CMIP: variants seen among roughly 807,000 people sequenced by gnomAD.
The protein encoded by CMIP is c-Maf inducing protein.
Under a neutral mutation model 97.3 loss-of-function variants are expected in CMIP, and 13 were observed. That is an observed-to-expected ratio of 0.13 (90% CI 0.09 to 0.21). The LOEUF is 0.21. Among genes scored for constraint, CMIP ranks in the 10% least tolerant of loss-of-function variants. CMIP has a pLI of 1.00. For synonymous variants in CMIP, 538 were observed against 436.3 expected (o/e 1.23, Z -2.91); for missense variants, 847 against 1,024.9 (o/e 0.83, Z 2.37).
At chr16:81,670,762 A>T (rs2092676127) in intron 8 of CMIP, among the ~76,000 whole-genome samples, 1 of 152,008 alleles carries the variant, frequency 6.6e-6, no homozygotes, top group Admixed American at 6.6e-5. Context: ...GACACAACAC[A>T]TGGAGAATGC....
chr16:81,552,651 A>G (rs550444181), intron 1 of CMIP, among the ~76,000 whole-genome samples: 3 of 152,120 alleles, frequency 2.0e-5, no homozygotes, highest in Admixed American at 6.5e-5. Flanking sequence ...TCCCATCTCA[A>G]GGTCCTTAAT....
At chr16:81,600,775 CA>C (rs1337876914) in intron 1 of CMIP, among the ~76,000 whole-genome samples, 1 of 152,182 alleles carries the variant, frequency 6.6e-6, no homozygotes, top group African/African-American at 2.4e-5. Flanking sequence ...GAAATGCAGC[CA>C]GGGGAGGTGG....
chr16:81,491,454 C>T (rs989036382), intron 1 of CMIP, among the ~76,000 whole-genome samples: 1 of 152,176 alleles, frequency 6.6e-6, no homozygotes, highest in Non-Finnish European at 1.5e-5. Context: ...GTGGGAAAGC[C>T]CTCTGTGGGC....
intron 1 of CMIP, among the ~76,000 whole-genome samples, chr16:81,567,938 A>G (rs8054981): frequency 0.025 from 3,830 of 150,458 alleles, 173 homozygotes; most frequent in African/African-American, 0.089. Context: ...TCCAGGCTTT[A>G]TTTTGAGTGA....
At chr16:81,664,165 A>G in intron 6 of CMIP, 104 bp from the exon 7 acceptor site, 1 of 1,046,626 alleles carries the variant, frequency 9.6e-7, no homozygotes, top group Non-Finnish European at 1.4e-6. Context: ...AAGGGAACCC[A>G]GGCACCCACA....
intron 2 of CMIP, among the ~76,000 whole-genome samples, chr16:81,609,971 A>G (rs370336078): frequency 1.3e-5 from 2 of 152,206 alleles, no homozygotes; most frequent in East Asian, 3.8e-4. Flanking sequence ...TAGAGGAATC[A>G]GTGTGGTGGC....
In CMIP at chr16:81,710,958, G is replaced by T. The variant is rs1908700251; in HGVS notation, c.*1159G>T. Reference sequence around the variant, plus strand: ...TGGCCCCATGCATGCCCGCCTCTCTGCATGGTCTCTTGGGAAAAGAGAGAT... The same window carrying T: ...TGGCCCCATGCATGCCCGCCTCTCTTCATGGTCTCTTGGGAAAAGAGAGAT... On this transcript the variant is annotated 3_prime_UTR_variant, in exon 21 of 21. Transcript: ENST00000537098. The T allele has an allele frequency of 6.6e-6, 1 of 152,030 alleles. No individual in the cohort carries two copies. The highest frequency in any genetic ancestry group is 2.4e-5 in the African/African-American group (1 of 41,326). 9.4% of individuals were successfully genotyped at this position (152,030 alleles called of 1,614,324 possible).
In CMIP at chr16:81,488,507, G is replaced by A. The variant is rs115590984; in HGVS notation, c.300+42966G>A. Reference sequence around the variant, plus strand: ...TAGTCATCCACTCATTCCACCTGCAGGTTTTGATTGTTGGCCTCCTCTGTG... The same window carrying A: ...TAGTCATCCACTCATTCCACCTGCAAGTTTTGATTGTTGGCCTCCTCTGTG... On this transcript the variant is annotated intron_variant, in intron 1 of 20. Coordinates refer to ENST00000537098, the MANE Select transcript of CMIP (RefSeq NM_198390.3). Among the ~76,000 whole-genome samples, 521 of 152,310 alleles carry A rather than the reference G, an allele frequency of 3.4e-3. 5 individuals are homozygous for A. The highest frequency in any genetic ancestry group is 0.012 in the African/African-American group (490 of 41,568).
chr16:81,493,579 AC>A (rs2089439787), intron 1 of CMIP, among the ~76,000 whole-genome samples: 1 of 152,212 alleles, frequency 6.6e-6, no homozygotes, highest in African/African-American at 2.4e-5. Flanking sequence ...GGCGCAAGCC[AC>A]CCGGGCCCAG....
chr16:81,606,327 G>T (rs745896763), intron 1 of CMIP, among the ~76,000 whole-genome samples: 1 of 152,194 alleles, frequency 6.6e-6, no homozygotes, highest in African/African-American at 2.4e-5. Flanking sequence ...TTAAATGATT[G>T]CCATGTGCCC....
chr16:81,701,313 G>A (rs561653232), intron 15 of CMIP, among the ~76,000 whole-genome samples: 24 of 152,288 alleles, frequency 1.6e-4, no homozygotes, highest in Non-Finnish European at 3.2e-4. Flanking sequence ...AAGGAACTGG[G>A]GAGAGAGAGG....
intron 1 of CMIP, among the ~76,000 whole-genome samples, chr16:81,588,913 C>G (rs986050996): frequency 6.6e-6 from 1 of 152,128 alleles, no homozygotes; most frequent in Non-Finnish European, 1.5e-5. Context: ...TAAAGCCCAA[C>G]TGGCTCTCTA....
intron 3 of CMIP, among the ~76,000 whole-genome samples, chr16:81,642,746 CTT>C: frequency 6.6e-6 from 1 of 152,106 alleles, no homozygotes; most frequent in East Asian, 1.9e-4. Context: ...AAATATAAAA[CTT>C]AGCCAGGCGT....
chr16:81,591,530 G>A (rs1037748801), intron 1 of CMIP, among the ~76,000 whole-genome samples: 4 of 152,148 alleles, frequency 2.6e-5, no homozygotes, highest in Non-Finnish European at 5.9e-5. Context: ...CAGCCACATG[G>A]ATGAAGCTCT....
chr16:81,576,624 A>C (rs1224480052), intron 1 of CMIP, among the ~76,000 whole-genome samples: 3 of 152,096 alleles, frequency 2.0e-5, no homozygotes, highest in Non-Finnish European at 4.4e-5. Context: ...CCAGGACTTG[A>C]ATGTCAGCAC....
intron 10 of CMIP, among the ~76,000 whole-genome samples, chr16:81,686,589 G>C (rs561925713): frequency 6.6e-6 from 1 of 152,304 alleles, no homozygotes; most frequent in African/African-American, 2.4e-5. Flanking sequence ...TCAGGCAACA[G>C]GCTTTCCTGG....
intron 1 of CMIP, among the ~76,000 whole-genome samples, chr16:81,541,629 T>C (rs2090450854): frequency 6.6e-6 from 1 of 152,250 alleles, no homozygotes; most frequent in African/African-American, 2.4e-5. Flanking sequence ...AGAGAACGGC[T>C]GTCTTTATGA....
At chr16:81,466,570 C>T (rs977572158) in intron 1 of CMIP, among the ~76,000 whole-genome samples, 1 of 152,220 alleles carries the variant, frequency 6.6e-6, no homozygotes. Context: ...TGAGGCATAA[C>T]TGAGACATTG....
intron 3 of CMIP, among the ~76,000 whole-genome samples, chr16:81,639,817 C>T (rs1382821307): frequency 2.6e-5 from 4 of 152,128 alleles, no homozygotes; most frequent in Non-Finnish European, 4.4e-5. Flanking sequence ...GGTTGGACTC[C>T]GTTATTGGAA....
Sources: allele counts gnomAD v4.1 joint callset (sites outside exome capture counted in the v4.1 genomes callset), GRCh38; gene constraint gnomAD v4.1.1; transcripts MANE v1.5; gene names NCBI Gene and HGNC (gene_info 2026-07-23, HGNC 2026-07-21).